EPHA4: variants seen among roughly 807,000 people sequenced by gnomAD.
The protein encoded by EPHA4 is ephrin type-A receptor 4.
In EPHA4, 19 loss-of-function variants were observed where a neutral mutation model predicts 108.3. The ratio of observed to expected loss-of-function variants is 0.18; its 90% CI spans 0.12 to 0.26. The LOEUF is 0.26. EPHA4 is among the 10% of genes least tolerant of loss of function. The pLI is 1.00. For missense variants in EPHA4, 917 were observed against 1,254.0 expected (o/e 0.73, Z 4.06); for synonymous variants, 449 against 455.5 (o/e 0.99, Z 0.18).
chr2:221,463,451 C>A (rs1369315349), intron 5 of EPHA4, among the ~76,000 whole-genome samples: 1 of 152,084 alleles, frequency 6.6e-6, no homozygotes, highest in Non-Finnish European at 1.5e-5. Flanking sequence ...TGAGAGCAGA[C>A]CACAATGCAC....
At chr2:221,537,990 T>C (rs1693719902) in intron 3 of EPHA4, among the ~76,000 whole-genome samples, 1 of 152,196 alleles carries the variant, frequency 6.6e-6, no homozygotes, top group Non-Finnish European at 1.5e-5. Flanking sequence ...TCTCTGTATT[T>C]GTTTGCTAAA....
At chr2:221,497,793 A>G (rs1329632035) in intron 4 of EPHA4, among the ~76,000 whole-genome samples, 1 of 152,184 alleles carries the variant, frequency 6.6e-6, no homozygotes, top group African/African-American at 2.4e-5. Context: ...GAAGTAGTAA[A>G]GTGTAGGAGA....
rs116302687 is a variant in EPHA4 at position 221,568,828 on chromosome 2, A to G, written c.92-43T>C. 4.1e-4 allele frequency: 643 copies of G among 1,556,222 alleles called. 2 individuals are homozygous for G. The African/African-American group carries it at 7.7e-3, about 19-fold the overall frequency. On this transcript the variant is annotated intron_variant, in intron 1 of 17. Transcript: ENST00000281821. ...AAAATAGATGAATTTCCAATTGCAA[A>G]AAGCCAATAACACAAAAACCATTTG...
chr2:221,541,912 A>T (rs1027513272), intron 3 of EPHA4, among the ~76,000 whole-genome samples: 2 of 152,242 alleles, frequency 1.3e-5, no homozygotes, highest in African/African-American at 4.8e-5. Flanking sequence ...CATTTTCCAA[A>T]TGTTCTACAA....
intron 3 of EPHA4, among the ~76,000 whole-genome samples, chr2:221,547,175 A>G (rs1694022195): frequency 6.6e-6 from 1 of 152,230 alleles, no homozygotes; most frequent in Non-Finnish European, 1.5e-5. Context: ...TGCTTTCCAA[A>G]TAGGTTGGTT....
intron 4 of EPHA4, among the ~76,000 whole-genome samples, chr2:221,497,354 G>A (rs555335133): frequency 1.3e-5 from 2 of 152,152 alleles, no homozygotes; most frequent in South Asian, 2.1e-4. Context: ...AAGGCGATCC[G>A]ATCAGCAAGT....
Position 221,566,821 on chromosome 2 carries a change from A to AAGAAGG in EPHA4, c.159+1891_159+1896dup, listed in dbSNP as rs1295681293. ...GAAGAGGGAGAAGAAGAAGAAGGAG[A>AAGAAGG]AGAAGGAGAAGGAGAAGAAGGAGAA... On this transcript the variant is annotated intron_variant, in intron 2 of 17. Transcript: ENST00000281821. Among the ~76,000 whole-genome samples, 7 of 141,710 alleles carry AAGAAGG rather than the reference A, an allele frequency of 4.9e-5. 1 individual carries two copies. The highest frequency in any genetic ancestry group is 1.1e-4 in the Non-Finnish European group (7 of 66,020). 93.0% of individuals were successfully genotyped at this position (141,710 alleles called of 152,430 possible).
rs1237562136 is a variant in EPHA4 at position 221,426,536 on chromosome 2, A to G, written c.2774T>C (p.Met925Thr). The G allele has an allele frequency of 1.8e-5, 29 of 1,614,052 alleles. No homozygotes were observed. The highest frequency in any genetic ancestry group is 2.4e-5 in the Non-Finnish European group (28 of 1,180,034). ...TGTGAAGTTATCCTTATACCGGTCC[A>G]TTTTAATGGCCTGGAGCCAATCGCC... is the stretch of plus-strand genomic sequence containing the variant. ...SVGDWLQAIK[M>T]DRYKDNFTAA... The change falls in exon 16 of 18, where the codon ATG becomes ACG. Residue 925 changes from methionine to threonine, a missense_variant. By Grantham distance (81) the Met-to-Thr change is moderately conservative. Transcript: ENST00000281821.
chr2:221,482,236 C>T (rs770367562), intron 5 of EPHA4, 116 bp downstream of exon 5: 1 of 1,091,602 alleles, frequency 9.2e-7, no homozygotes, highest in Non-Finnish European at 1.3e-6. Flanking sequence ...CATTATAACG[C>T]AGCTCCCAGG....
At position 221,482,582 on chromosome 2, in the gene EPHA4, T is replaced by C; in HGVS notation, c.1088A>G (p.Asn363Ser). ...AGCTCCACATTTCTTGCATACCACA[T>C]TATAGGAAATGTCCTGGCGGCCACC... ...NTGGRQDISY[N>S]VVCKKCGAGD... is the part of the protein sequence containing the mutation. Residue 363 changes from asparagine (N) to serine (S), a missense_variant, in exon 5 of 18, where the codon AAT becomes AGT. This residue lies in a region of EPHA4 where 758 missense variants were observed against 1,076.7 expected (regional missense o/e 0.70). Coordinates refer to ENST00000281821, the MANE Select transcript of EPHA4 (RefSeq NM_004438.5). 1 of 1,614,070 alleles carries C rather than the reference T, an allele frequency of 6.2e-7. No homozygotes were observed. The highest frequency in any genetic ancestry group is 8.5e-7 in the Non-Finnish European group (1 of 1,179,978).
intron 3 of EPHA4, 37 bp from the exon 4 acceptor site, chr2:221,501,209 C>T (rs1692480334): frequency 1.3e-6 from 2 of 1,533,116 alleles, no homozygotes; most frequent in Non-Finnish European, 8.8e-7. Context: ...AAATAGAAAC[C>T]ACTGCAAATA....
chr2:221,510,092 G>T (rs1036889789), intron 3 of EPHA4, among the ~76,000 whole-genome samples: 1 of 152,172 alleles, frequency 6.6e-6, no homozygotes. Context: ...TGCAAGAGGG[G>T]AAGATGGAAA....
chr2:221,510,291 G>C (rs1449338681), intron 3 of EPHA4, among the ~76,000 whole-genome samples: 1 of 152,160 alleles, frequency 6.6e-6, no homozygotes, highest in Non-Finnish European at 1.5e-5. Flanking sequence ...CTATAGACAA[G>C]ATTGGAAGTA....
chr2:221,485,756 A>C (rs1691956850), intron 4 of EPHA4, among the ~76,000 whole-genome samples: 1 of 152,174 alleles, frequency 6.6e-6, no homozygotes, highest in Non-Finnish European at 1.5e-5. Flanking sequence ...GGGAGGGCCC[A>C]TCTCCTCTTT....
intron 13 of EPHA4, among the ~76,000 whole-genome samples, chr2:221,435,739 T>C (rs1280925103): frequency 6.6e-6 from 1 of 152,114 alleles, no homozygotes; most frequent in African/African-American, 2.4e-5. Context: ...TGTGTCCTAA[T>C]CCCCGCTTAT....
chr2:221,436,100 C>T (rs142985081), intron 13 of EPHA4, among the ~76,000 whole-genome samples: 12 of 151,852 alleles, frequency 7.9e-5, no homozygotes, highest in Middle Eastern at 3.4e-3. Context: ...TTTAAGACAC[C>T]GTCTTATTGT....
intron 4 of EPHA4, among the ~76,000 whole-genome samples, chr2:221,499,741 T>C (rs1400891949): frequency 5.2e-5 from 3 of 57,416 alleles, no homozygotes; most frequent in Non-Finnish European, 9.5e-5. Context: ...TATATATATA[T>C]ATATATATAT....
At chr2:221,543,390 A>G (rs746133955) in intron 3 of EPHA4, among the ~76,000 whole-genome samples, 4 of 152,206 alleles carry the variant, frequency 2.6e-5, no homozygotes, top group African/African-American at 4.8e-5. Context: ...GTGTACATCA[A>G]AGAAAGTCTG....
intron 4 of EPHA4, among the ~76,000 whole-genome samples, chr2:221,492,389 G>A (rs2106150106): frequency 6.6e-6 from 1 of 152,236 alleles, no homozygotes; most frequent in African/African-American, 2.4e-5. Flanking sequence ...AATTCAGTGA[G>A]ATGATACCTG....
Sources: allele counts gnomAD v4.1 joint callset (sites outside exome capture counted in the v4.1 genomes callset), GRCh38; gene constraint gnomAD v4.1.1; regional missense constraint gnomAD v4.1.1; transcripts MANE v1.5; gene names NCBI Gene and HGNC (gene_info 2026-07-23, HGNC 2026-07-21).